Variants in TRO observed in about 807,000 individuals in gnomAD.
The protein encoded by TRO is MAGE superfamily protein.
TRO carries 29 observed loss-of-function variants against 42.3 expected under a neutral mutation model. That is an observed-to-expected ratio of 0.68 (90% CI 0.51 to 0.93). TRO has a LOEUF of 0.93. Ranked by LOEUF, TRO falls within the 40% of genes least tolerant of loss-of-function variation. The probability of loss-of-function intolerance (pLI) is 0.00; values close to 1 mark genes in which losing one functional copy is unlikely to be tolerated. For missense variants in TRO, 963 were observed against 1,127.7 expected, an observed-to-expected ratio of 0.85 and a Z score of 2.09; for synonymous variants, 384 against 425.2, an observed-to-expected ratio of 0.90 and a Z score of 1.19.
At chrX:54,927,916 C>A in intron 11 of TRO, 135 bp downstream of exon 11, 1 of 455,881 alleles carries the variant, frequency 2.2e-6, no homozygotes, top group South Asian at 3.7e-5. Context: ...TCCTTTATGT[C>A]CCAGGGTGCT....
chrX:54,925,783 G>GA (rs1557230195), intron 7 of TRO, 100 bp downstream of exon 7: 1 of 706,944 alleles, frequency 1.4e-6, no homozygotes, highest in Non-Finnish European at 2.1e-6. Flanking sequence ...AGAGAGTCAG[G>GA]AAAAACAGGG....
chrX:54,930,573 G>A lies in TRO; in HGVS notation c.3849G>A (p.Leu1283=), dbSNP rs1329319364. Residue 1283 remains leucine (L), a synonymous_variant, in exon 12 of 13, where the codon CTG becomes CTA. Coordinates refer to ENST00000173898, the MANE Select transcript of TRO (RefSeq NM_001039705.3). The part of the protein sequence containing the change: ...LGTSAGFGGG[L]VTSDGFGGGL... ...CCAGTGCTGGCTTTGGTGGTGGACT[G>A]GTCACTAGTGATGGCTTTGGTGGTG... 4 of 1,209,827 alleles carry A rather than the reference G, an allele frequency of 3.3e-6. No individual in the cohort carries two copies. The highest frequency in any genetic ancestry group is 4.5e-6 in the Non-Finnish European group (4 of 894,779).
intron 10 of TRO, 73 bp downstream of exon 10, chrX:54,927,178 G>C (rs1222160977): frequency 1.9e-6 from 2 of 1,077,185 alleles, no homozygotes; most frequent in African/African-American, 3.7e-5. Flanking sequence ...AAAGTGCTTA[G>C]TCAGTGCCTT....
In TRO at chrX:54,928,624, G is replaced by A. The variant is rs1432913876; in HGVS notation, c.1900G>A (p.Asp634Asn). 8.7e-7 allele frequency: 1 copy of A among 1,155,594 alleles called. No individual in the cohort carries two copies. The highest frequency in any genetic ancestry group is 2.8e-5 in the Admixed American group (1 of 35,422). Residue 634 changes from aspartate (D) to asparagine (N), a missense_variant, in exon 12 of 13, where the codon GAC becomes AAC. Asp to Asn is a conservative substitution (Grantham distance 23). Around this residue, in one of 2 missense-constraint regions of TRO, gnomAD observed 641 missense variants for 811.3 expected, o/e 0.79. Transcript: ENST00000173898. ...ACRVQKKDPK[D>N]WAVQYREAVE... The stretch of plus-strand genomic sequence containing the variant: ...TCAGGTGCAGAAGAAAGACCCCAAG[G>A]ACTGGGCTGTGCAGTACCGCGAGGC...
Position 54,929,582 on chromosome X carries a change from T to C in TRO, c.2858T>C (p.Leu953Pro). The stretch of plus-strand genomic sequence containing the variant: ...ACCAGTGCCAATTTTGGTGGTACAC[T>C]AAGTACCAGCATCTGCTTTGATGGC... ...SSTSANFGGT[L>P]STSICFDGSP... The change falls in exon 12 of 13, where the codon CTA (leucine) becomes CCA (proline). Residue 953 changes from leucine to proline, a missense_variant. Physicochemically the swap from Leu to Pro is moderately conservative, Grantham distance 98. Around this residue, in one of 2 missense-constraint regions of TRO, gnomAD observed 641 missense variants for 811.3 expected, o/e 0.79. Transcript: ENST00000173898. 1 of 1,211,434 alleles carries C rather than the reference T, an allele frequency of 8.3e-7. No homozygotes were observed. The highest frequency in any genetic ancestry group is 1.1e-6 in the Non-Finnish European group (1 of 895,277).
At chrX:54,928,529 T>C in intron 11 of TRO, 74 bp from the exon 12 acceptor site, 4 of 1,097,181 alleles carry the variant, frequency 3.6e-6, no homozygotes, top group Non-Finnish European at 3.6e-6. Context: ...TGCTACTAGT[T>C]TAATACAAAG....
rs1933018071 is a variant in TRO, at chrX:54,930,292, G to A, written c.3568G>A (p.Gly1190Arg). Residue 1190 changes from glycine (G) to arginine (R), a missense_variant, in exon 12 of 13, where the codon GGA (glycine) becomes AGA (arginine). Transcript: ENST00000173898. Reference protein sequence around the residue: ...SGATSPSFCDGPSTSTGFSFG... With the variant: ...SGATSPSFCDRPSTSTGFSFG... ...TGCTACCAGCCCTAGTTTTTGTGATGGACCCAGCACCAGTACCGGTTTCAG... is the reference window on the plus strand; with the variant it reads ...TGCTACCAGCCCTAGTTTTTGTGATAGACCCAGCACCAGTACCGGTTTCAG... 3 of 1,210,689 alleles carry A rather than the reference G, an allele frequency of 2.5e-6. No individual in the cohort carries two copies. Among genetic ancestry groups the A allele is most frequent in the Non-Finnish European group, 3.4e-6 (3 of 895,347 alleles).
At chrX:54,921,949 G>C (rs747281423) in intron 1 of TRO, 1 of 268,960 alleles carries the variant, frequency 3.7e-6, no homozygotes, top group African/African-American at 2.8e-5. Flanking sequence ...TAAGATGGGG[G>C]GTGGGGGCGC....
Position 54,930,210 on chromosome X carries a change from A to C in TRO, c.3486A>C (p.Ala1162=), listed in dbSNP as rs1933008783. The C allele has an allele frequency of 8.3e-7, 1 of 1,210,832 alleles. No individual in the cohort carries two copies. The highest frequency in any genetic ancestry group is 1.1e-6 in the Non-Finnish European group (1 of 895,351). The stretch of plus-strand genomic sequence containing the variant: ...GCACCAGCCTCTGCTTTGGCAGTGC[A>C]TCTAATACTAACCTATGCTTTGGTG... ...APSTSLCFGS[A]SNTNLCFGGP... The change falls in exon 12 of 13, where the codon GCA becomes GCC. Residue 1162 remains alanine, a synonymous_variant. Coordinates refer to ENST00000173898, the MANE Select transcript of TRO (RefSeq NM_001039705.3).
chrX:54,928,657 A>G lies in TRO; in HGVS notation c.1933A>G (p.Met645Val). 8.4e-7 allele frequency: 1 copy of G among 1,196,789 alleles called. No homozygotes were observed. The highest frequency in any genetic ancestry group is 1.1e-6 in the Non-Finnish European group (1 of 888,252). ...WAVQYREAVEMEVQAAAVAVA... is the reference protein window; with the variant it reads ...WAVQYREAVEVEVQAAAVAVA... ...TGTGCAGTACCGCGAGGCAGTGGAGATGGAAGTCCAAGCTGCAGCTGTGGC... is the reference window on the plus strand; with the variant it reads ...TGTGCAGTACCGCGAGGCAGTGGAGGTGGAAGTCCAAGCTGCAGCTGTGGC... The change falls in exon 12 of 13, where the codon ATG becomes GTG. Residue 645 changes from methionine to valine, a missense_variant. Coordinates refer to ENST00000173898, the MANE Select transcript of TRO (RefSeq NM_001039705.3).
In TRO at chrX:54,929,156, T is replaced by A. The variant is rs938357798; in HGVS notation, c.2432T>A (p.Ile811Asn). 3.3e-6 allele frequency: 4 copies of A among 1,211,584 alleles called. No homozygotes were observed. In the African/African-American group the frequency reaches 6.9e-5, roughly 21 times the overall value. The change falls in exon 12 of 13, where the codon ATT becomes AAT. Residue 811 changes from isoleucine (I) to asparagine (N), a missense_variant. This residue lies in a region of TRO where 641 missense variants were observed against 811.3 expected (regional missense o/e 0.79). Transcript: ENST00000173898. ...ACTAGTTTCAGCAGTGAAGCCAGCA[T>A]TAGCTTTGGTGGCATGCCTTGTACC... ...TSTSFSSEAS[I>N]SFGGMPCTSA...
In TRO at chrX:54,928,641, C is replaced by T. The variant is rs763639203; in HGVS notation, c.1917C>T (p.Tyr639=). Residue 639 remains tyrosine, a synonymous_variant, in exon 12 of 13, where the codon TAC becomes TAT. Coordinates refer to ENST00000173898, the MANE Select transcript of TRO (RefSeq NM_001039705.3). ...ACCCCAAGGACTGGGCTGTGCAGTACCGCGAGGCAGTGGAGATGGAAGTCC... is the reference window on the plus strand; with the variant it reads ...ACCCCAAGGACTGGGCTGTGCAGTATCGCGAGGCAGTGGAGATGGAAGTCC... The part of the protein sequence containing the change: ...KKDPKDWAVQ[Y]REAVEMEVQA... 5.9e-6 allele frequency: 7 copies of T among 1,186,298 alleles called. No homozygotes were observed. The Admixed American group carries it at 1.2e-4, about 20-fold the overall frequency.
At chrX:54,927,137 G>T in intron 10 of TRO, 32 bp downstream of exon 10, 3 of 1,202,993 alleles carry the variant, frequency 2.5e-6, no homozygotes, top group Non-Finnish European at 3.4e-6. Context: ...GTCTGGCCCT[G>T]AAGTGTTCTG....
Position 54,924,457 on chromosome X carries a change from C to A in TRO, c.1243C>A (p.His415Asn). The part of the protein sequence containing the change: ...TRGKRNRKSK[H>N]LNGDERSGSN... ...CTTCTTTCTGATGATGAAGTCCAAG[C>A]ATCTGAATGGGGATGAGAGAAGTGG... The change falls in exon 4 of 13, where the codon CAT (histidine) becomes AAT (asparagine). Residue 415 changes from histidine (H) to asparagine (N), a missense_variant. Physicochemically the swap from His to Asn is moderately conservative, Grantham distance 68. Around this residue, in one of 2 missense-constraint regions of TRO, gnomAD observed 322 missense variants for 316.5 expected, o/e 1.02. Coordinates refer to ENST00000173898, the MANE Select transcript of TRO (RefSeq NM_001039705.3). 1 of 1,203,297 alleles carries A rather than the reference C, an allele frequency of 8.3e-7. No homozygotes were observed. Among genetic ancestry groups the A allele is most frequent in the Non-Finnish European group, 1.1e-6 (1 of 891,498 alleles).
chrX:54,925,636 G>C lies in TRO; in HGVS notation c.1530G>C (p.Leu510Phe). 1 of 1,211,200 alleles carries C rather than the reference G, an allele frequency of 8.3e-7. No individual in the cohort carries two copies. The highest frequency in any genetic ancestry group is 3.0e-5 in the East Asian group (1 of 33,841). The change falls in exon 7 of 13, where the codon TTG becomes TTC. Residue 510 changes from leucine (L) to phenylalanine (F), a missense_variant. Around this residue, in one of 2 missense-constraint regions of TRO, gnomAD observed 641 missense variants for 811.3 expected, o/e 0.79. Transcript: ENST00000173898. ...AAGAAATTGATAAGCAAAGTAGCTT[G>C]TATATTCTCATCAGCACTCAGGAAT... The part of the protein sequence containing the change: ...NLKEIDKQSS[L>F]YILISTQESS...
chrX:54,924,395 C>T, intron 3 of TRO, 56 bp from the exon 4 acceptor site: 1 of 1,059,769 alleles, frequency 9.4e-7, no homozygotes, highest in South Asian at 2.2e-5. Flanking sequence ...GGTGAGGAGA[C>T]AGAGCCATCT....
intron 6 of TRO, among the ~76,000 whole-genome samples, 164 bp downstream of exon 6, chrX:54,925,232 TCA>T (rs1018749427): frequency 5.4e-5 from 6 of 110,315 alleles, no homozygotes; most frequent in African/African-American, 2.0e-4. Context: ...TTGCCATGGG[TCA>T]CACAGCATGT....
rs931735258 is a variant in TRO at position 54,921,873 on chromosome X, C to T, written c.-44-330C>T. The stretch of plus-strand genomic sequence containing the variant: ...GGGATTGAGCTGGTTAGAAACTGTC[C>T]GGTTTACCAAGGCGCATGCGCGCGG... On this transcript the variant is annotated intron_variant, in intron 1 of 12. Transcript: ENST00000173898. The T allele has an allele frequency of 1.6e-4, 25 of 156,844 alleles. No homozygotes were observed. In the East Asian group the frequency reaches 3.4e-3, roughly 21 times the overall value. 12.9% of individuals were successfully genotyped at this position (156,844 alleles called of 1,213,427 possible).
At chrX:54,921,728 A>C (rs1337147458) in intron 1 of TRO, among the ~76,000 whole-genome samples, 4 of 63,042 alleles carry the variant, frequency 6.3e-5, no homozygotes, top group Non-Finnish European at 1.2e-4. Context: ...GTGGTACTGC[A>C]GAGCGGAGGG....
Sources: gnomAD v4.1 joint callset for allele counts (sites outside exome capture counted in the v4.1 genomes callset) on GRCh38, gnomAD v4.1.1 for gene constraint, gnomAD v4.1.1 regional missense constraint, MANE v1.5 for transcripts, NCBI Gene and HGNC (gene_info 2026-07-23, HGNC 2026-07-21) for gene names.